Variants in RORC observed in about 807,000 individuals in gnomAD.
RORC encodes the protein nuclear receptor ROR-gamma.
RORC carries 13 observed loss-of-function variants against 64.5 expected under a neutral mutation model. The ratio of observed to expected loss-of-function variants is 0.20; its 90% CI spans 0.13 to 0.32. The LOEUF is 0.32. Ranked by LOEUF, RORC falls within the 10% of genes least tolerant of loss-of-function variation. The probability of loss-of-function intolerance (pLI) is 1.00; values close to 1 mark genes in which losing one functional copy is unlikely to be tolerated. For synonymous variants in RORC, 277 were observed against 259.3 expected, an observed-to-expected ratio of 1.07 and a Z score of -0.65; for missense variants, 468 against 669.5, an observed-to-expected ratio of 0.70 and a Z score of 3.32.
chr1:151,831,305 C>T (rs552929356), intron 1 of RORC, among the ~76,000 whole-genome samples: 1 of 152,260 alleles, frequency 6.6e-6, no homozygotes, highest in South Asian at 2.1e-4. Flanking sequence ...CAGCCAGCCT[C>T]CCGGCCACTG....
Position 151,816,752 on chromosome 1 carries a change from C to G in RORC, c.210G>C (p.Gln70His), listed in dbSNP as rs1437862355. 6.3e-7 allele frequency: 1 copy of G among 1,593,162 alleles called. No homozygotes were observed. The highest frequency in any genetic ancestry group is 1.7e-5 in the Admixed American group (1 of 57,776). ...TGGTGCGGTCGATGGGGCAGTTCTG[C>G]TGACGGGTGCAGGAGTAGGCCGCGT... ...RCNAAYSCTR[Q>H]QNCPIDRTSR... Residue 70 changes from glutamine (Q) to histidine (H), a missense_variant, in exon 4 of 11, where the codon CAG becomes CAC. Around this residue, in one of 5 missense-constraint regions of RORC, gnomAD observed 241 missense variants for 295.5 expected, o/e 0.82. Coordinates refer to ENST00000318247, the MANE Select transcript of RORC (RefSeq NM_005060.4).
At chr1:151,813,854 A>T (rs1466737590) in intron 6 of RORC, 8 of 528,644 alleles carry the variant, frequency 1.5e-5, no homozygotes, top group South Asian at 4.8e-5. Flanking sequence ...AGGGAATCCA[A>T]AAAGTATGAG....
rs1346476191 is a variant in RORC, at chr1:151,811,414, T to C, written c.1306A>G (p.Lys436Glu). 1.2e-6 allele frequency: 2 copies of C among 1,613,608 alleles called. No homozygotes were observed. Among genetic ancestry groups the C allele is most frequent in the East Asian group, 2.2e-5 (1 of 44,884 alleles). The change falls in exon 10 of 11, where the codon AAA becomes GAA. Residue 436 changes from lysine to glutamate, a missense_variant. By Grantham distance (56) the Lys-to-Glu change is moderately conservative. Around this residue, in one of 5 missense-constraint regions of RORC, gnomAD observed 93 missense variants for 116.6 expected, o/e 0.80. Transcript: ENST00000318247. Reference sequence around the variant, plus strand: ...TACTGCAGCTGTTCTACTTTCCTTTTCTCTTGGAGCCCTGGCCGATCTGGA... The same window carrying C: ...TACTGCAGCTGTTCTACTTTCCTTTCCTCTTGGAGCCCTGGCCGATCTGGA... ...INAHRPGLQE[K>E]RKVEQLQYNL...
At chr1:151,827,330 G>T (rs1652230637) in intron 2 of RORC, among the ~76,000 whole-genome samples, 1 of 152,198 alleles carries the variant, frequency 6.6e-6, no homozygotes, top group Admixed American at 6.5e-5. Context: ...GGGTGTCTCA[G>T]CCTGGGAGGT....
At chr1:151,815,710 G>T (rs1162865715) in intron 4 of RORC, among the ~76,000 whole-genome samples, 1 of 152,194 alleles carries the variant, frequency 6.6e-6, no homozygotes, top group Non-Finnish European at 1.5e-5. Flanking sequence ...ATGAGTCTAG[G>T]CTGGGGATTC....
chr1:151,821,874 AAG>A (rs375964531), intron 2 of RORC, among the ~76,000 whole-genome samples: 39 of 152,000 alleles, frequency 2.6e-4, no homozygotes, highest in African/African-American at 9.2e-4. Flanking sequence ...TAAAGATCCC[AAG>A]AGATATTATT....
chr1:151,822,892 G>A (rs1177826264), intron 2 of RORC, among the ~76,000 whole-genome samples: 5 of 152,248 alleles, frequency 3.3e-5, no homozygotes, highest in African/African-American at 1.2e-4. Flanking sequence ...GAACAGGAGC[G>A]CGGGCCTTGG....
Position 151,830,677 on chromosome 1 carries a change from G to A in RORC, c.40+1048C>T, listed in dbSNP as rs993707028. Among the ~76,000 whole-genome samples, 2 of 106,442 alleles carry A rather than the reference G, an allele frequency of 1.9e-5. No individual in the cohort carries two copies. Among genetic ancestry groups the A allele is most frequent in the East Asian group, 2.5e-4 (1 of 3,948 alleles). The allele number at this position is 106,442 out of a possible 152,430, so 69.8% of individuals were successfully genotyped here. A position where few individuals can be genotyped will look rare whatever the true frequency, so the allele number is the denominator to read the frequency against. On this transcript the variant is annotated intron_variant, in intron 1 of 10. Coordinates refer to ENST00000318247, the MANE Select transcript of RORC (RefSeq NM_005060.4). This position sits in a 1 kb window ranked among gnomAD's most constrained non-coding sequence, Gnocchi z 4.0. ...ACACACACACAGTGCCCTTCTGCCC[G>A]GGAGATGCTCCCCACTGGCAGGCCG... is the stretch of plus-strand genomic sequence containing the variant.
At chr1:151,819,708 C>T (rs1032818269) in intron 2 of RORC, among the ~76,000 whole-genome samples, 1 of 152,176 alleles carries the variant, frequency 6.6e-6, no homozygotes, top group African/African-American at 2.4e-5. Context: ...CATCTCCCTG[C>T]CCCATGCTTG....
At chr1:151,813,680 G>A in intron 6 of RORC, 60 bp from the exon 7 acceptor site, 2 of 1,575,970 alleles carry the variant, frequency 1.3e-6, no homozygotes, top group Non-Finnish European at 1.7e-6. Flanking sequence ...ATCCTCCTGA[G>A]CCCTGGAGCC....
chr1:151,808,670 C>A (rs976183910), intron 10 of RORC, among the ~76,000 whole-genome samples: 6 of 152,154 alleles, frequency 3.9e-5, no homozygotes, highest in African/African-American at 1.4e-4. Context: ...ACTGTGATGG[C>A]CTCTAGTGAT....
At chr1:151,808,404 A>C (rs189870940) in intron 10 of RORC, among the ~76,000 whole-genome samples, 1 of 152,302 alleles carries the variant, frequency 6.6e-6, no homozygotes, top group African/African-American at 2.4e-5. Flanking sequence ...AGAACAATTT[A>C]TCTCTTGCAG....
intron 2 of RORC, among the ~76,000 whole-genome samples, chr1:151,817,797 A>T (rs545876891): frequency 6.6e-6 from 1 of 152,352 alleles, no homozygotes; most frequent in Admixed American, 6.5e-5. Context: ...CAGACAGTGA[A>T]GGCTCAGGGA....
At chr1:151,817,061 C>T (rs1409326226) in intron 3 of RORC, 134 bp downstream of exon 3, 1 of 794,114 alleles carries the variant, frequency 1.3e-6, no homozygotes, top group Non-Finnish European at 2.0e-6. Flanking sequence ...GAGATCATCC[C>T]TGGAGTCAGA....
intron 4 of RORC, among the ~76,000 whole-genome samples, chr1:151,815,952 C>T (rs979834249): frequency 6.6e-6 from 1 of 152,204 alleles, no homozygotes; most frequent in South Asian, 2.1e-4. Context: ...CCTTTTTACT[C>T]CCCCCGCCAC....
chr1:151,814,530 T>C (rs768303022), intron 6 of RORC, 44 bp downstream of exon 6: 1 of 1,581,058 alleles, frequency 6.3e-7, no homozygotes, highest in South Asian at 1.2e-5. Flanking sequence ...ACTCTCCCGG[T>C]GGGGGTGGGA....
At position 151,814,685 on chromosome 1, in the gene RORC, C is replaced by T; in HGVS notation, c.822G>A (p.Val274=). The T allele has an allele frequency of 6.2e-7, 1 of 1,607,922 alleles. No homozygotes were observed. The highest frequency in any genetic ancestry group is 8.5e-7 in the Non-Finnish European group (1 of 1,175,146). The change falls in exon 6 of 11, where the codon GTG becomes GTA. Residue 274 remains valine, a synonymous_variant. Coordinates refer to ENST00000318247, the MANE Select transcript of RORC (RefSeq NM_005060.4). ...CCCTGTAGGACTTGCAGACGCTCTG[C>T]ACCAGGTGCTCTGGGGCCGGAGAAG... ...YASLTEIEHL[V]QSVCKSYRET...
Position 151,830,539 on chromosome 1 carries a change from C to T in RORC, c.41-1081G>A, listed in dbSNP as rs1043133144. Among the ~76,000 whole-genome samples the T allele has an allele frequency of 4.6e-5, 7 of 151,520 alleles. No individual in the cohort carries two copies. ...GTCTCAGAAAGCCCTTCAACCATGC[C>T]CTATACCCCCTATAGCTTCCCTAAC... On this transcript the variant is annotated intron_variant, in intron 1 of 10. Transcript: ENST00000318247. The surrounding 1 kb of genome is among the most constrained non-coding windows in gnomAD (Gnocchi z 4.0).
intron 4 of RORC, among the ~76,000 whole-genome samples, chr1:151,815,943 C>A (rs1433158813): frequency 6.6e-6 from 1 of 152,222 alleles, no homozygotes; most frequent in African/African-American, 2.4e-5. Context: ...TCTTTCCTGC[C>A]TTTTTACTCC....
Sources: allele counts gnomAD v4.1 joint callset (sites outside exome capture counted in the v4.1 genomes callset), GRCh38; gene constraint gnomAD v4.1.1; regional missense constraint gnomAD v4.1.1; non-coding constraint Gnocchi (gnomAD v3.1); transcripts MANE v1.5; gene names NCBI Gene and HGNC (gene_info 2026-07-23, HGNC 2026-07-21).